The following SDK2 variants were observed in gnomAD, a reference collection of about 807,000 sequenced individuals.
SDK2 encodes sidekick cell adhesion molecule 2.
A neutral mutation model predicts 253.9 loss-of-function variants in SDK2; 105 were observed. The observed-to-expected ratio is 0.41, with a 90% CI of 0.35 to 0.49. The LOEUF (loss-of-function observed/expected upper bound fraction) is 0.49, where lower values mean the gene tolerates loss of function less well. Among genes scored for constraint, SDK2 ranks in the 20% least tolerant of loss-of-function variants. The pLI is 0.06. For synonymous variants in SDK2, 1,249 were observed against 1,234.9 expected (o/e 1.01, Z -0.24); for missense variants, 2,608 against 3,003.0 (o/e 0.87, Z 3.07).
At chr17:73,509,940 A>G (rs932807508) in intron 1 of SDK2, among the ~76,000 whole-genome samples, 3 of 148,604 alleles carry the variant, frequency 2.0e-5, no homozygotes, top group Non-Finnish European at 4.5e-5. Flanking sequence ...AGAAAGAAAA[A>G]GTAAAAGAGA....
At chr17:73,422,581 A>AT (rs1219112499) in intron 14 of SDK2, 147 bp from the exon 15 acceptor site, 1 of 885,754 alleles carries the variant, frequency 1.1e-6, no homozygotes, top group African/African-American at 1.7e-5. Context: ...CCGCCATGCC[A>AT]TTTTTCTAGG....
At chr17:73,462,169 A>G (rs189075572) in intron 3 of SDK2, among the ~76,000 whole-genome samples, 110 of 152,098 alleles carry the variant, frequency 7.2e-4, no homozygotes, top group Non-Finnish European at 1.3e-3. Context: ...GTTTACATAT[A>G]TGTGTACATG....
intron 1 of SDK2, among the ~76,000 whole-genome samples, chr17:73,529,961 T>C (rs1386786321): frequency 6.6e-6 from 1 of 152,238 alleles, no homozygotes; most frequent in African/African-American, 2.4e-5. Context: ...ATGTCCTTAA[T>C]GCAGGACCCA....
At position 73,478,159 on chromosome 17, in the gene SDK2, T is replaced by C. The variant is rs1017473268; in HGVS notation, c.225-5941A>G. 5.3e-5 allele frequency among the ~76,000 whole-genome samples: 8 copies of C among 152,256 alleles called. No homozygotes were observed. In the East Asian group the frequency reaches 1.4e-3, roughly 26 times the overall value. ...TCTTTTCAGAACTTCTTTATGCAAA[T>C]GCAAGCAAATACGCATTTAGAATCC... On this transcript the variant is annotated intron_variant, in intron 2 of 44. Coordinates refer to ENST00000392650, the MANE Select transcript of SDK2 (RefSeq NM_001144952.2).
intron 39 of SDK2, among the ~76,000 whole-genome samples, chr17:73,360,981 CAGG>C (rs1159934016): frequency 5.8e-5 from 8 of 138,010 alleles, no homozygotes; most frequent in African/African-American, 2.2e-4. Flanking sequence ...AGAAACAATA[CAGG>C]AGATTAAGGA....
At chr17:73,434,784 C>T (rs1028962230) in intron 9 of SDK2, among the ~76,000 whole-genome samples, 6 of 152,180 alleles carry the variant, frequency 3.9e-5, no homozygotes, top group African/African-American at 7.2e-5. Context: ...GTGTGTGCCA[C>T]CCTGCCTGGC....
At chr17:73,539,412 C>T (rs2044829695) in intron 1 of SDK2, among the ~76,000 whole-genome samples, 1 of 151,854 alleles carries the variant, frequency 6.6e-6, no homozygotes, top group African/African-American at 2.4e-5. Context: ...TGTACATCAG[C>T]CCTGCTCGGC....
At chr17:73,386,342 G>T in intron 31 of SDK2, 103 bp downstream of exon 31, 1 of 852,626 alleles carries the variant, frequency 1.2e-6, no homozygotes, top group Non-Finnish European at 1.9e-6. Context: ...TGGGTCCCAC[G>T]CCTCTCTCAT....
At position 73,465,724 on chromosome 17, in the gene SDK2, A is replaced by G. The variant is rs1366371917; in HGVS notation, c.331+6388T>C. On this transcript the variant is annotated intron_variant, in intron 3 of 44. Transcript: ENST00000392650. The surrounding 1 kb of genome is among the most constrained non-coding windows in gnomAD (Gnocchi z 4.2). ...AGTTGTTAGCACAGCTGCCTTATTA[A>G]TTTCTCATTAGAACCCAATTCACAG... 1.3e-5 allele frequency among the ~76,000 whole-genome samples: 2 copies of G among 152,084 alleles called. No individual in the cohort carries two copies. The highest frequency in any genetic ancestry group is 6.5e-5 in the Admixed American group (1 of 15,268).
rs1414840080 is a variant in SDK2, at chr17:73,639,447, C to A, written c.64+4578G>T. 6.6e-6 allele frequency among the ~76,000 whole-genome samples: 1 copy of A among 152,202 alleles called. No homozygotes were observed. The highest frequency in any genetic ancestry group is 6.5e-5 in the Admixed American group (1 of 15,288). On this transcript the variant is annotated intron_variant, in intron 1 of 44. Transcript: ENST00000392650. The surrounding 1 kb of genome is among the most constrained non-coding windows in gnomAD (Gnocchi z 4.3). ...GGGGTGGGACACCTAGGGGAGGGGG[C>A]ACCCGGGGTGTCTCGGCAACCAGCT...
In SDK2 at chr17:73,612,611, AAATAAT is replaced by A. The variant is rs902731823; in HGVS notation, c.64+31408_64+31413del. Among the ~76,000 whole-genome samples the A allele has an allele frequency of 1.3e-5, 2 of 152,172 alleles. No homozygotes were observed. The highest frequency in any genetic ancestry group is 2.4e-5 in the African/African-American group (1 of 41,524). Reference sequence around the variant, plus strand: ...GGCAAAATGAGAAGCCCAGAGAGCCAAATAATAATAATAATAGTAACAGTAGGCCAG... The same window carrying A: ...GGCAAAATGAGAAGCCCAGAGAGCCAAATAATAATAGTAACAGTAGGCCAG... On this transcript the variant is annotated intron_variant, in intron 1 of 44. Coordinates refer to ENST00000392650, the MANE Select transcript of SDK2 (RefSeq NM_001144952.2). This position sits in a 1 kb window ranked among gnomAD's most constrained non-coding sequence, Gnocchi z 4.4.
chr17:73,433,231 C>A (rs2063341405), intron 10 of SDK2, among the ~76,000 whole-genome samples: 1 of 151,800 alleles, frequency 6.6e-6, no homozygotes, highest in African/African-American at 2.4e-5. Context: ...GGTGGCAGGT[C>A]TTGGAAGATG....
chr17:73,468,630 G>A (rs1476283738), intron 3 of SDK2, among the ~76,000 whole-genome samples: 1 of 151,926 alleles, frequency 6.6e-6, no homozygotes, highest in African/African-American at 2.4e-5. Flanking sequence ...TCATGCCTCA[G>A]CCTCCCAATT....
chr17:73,504,224 G>C (rs1399915099), intron 2 of SDK2: 1 of 136,814 alleles, frequency 7.3e-6, no homozygotes, highest in Non-Finnish European at 1.6e-5. Flanking sequence ...GTGAGAGAGA[G>C]AGAGAGAGAG....
rs193263686 is a variant in SDK2, at chr17:73,466,690, G to A, written c.331+5422C>T. ...ATTTACACAATGGCACAGCAGGATG[G>A]ATCATTTTGGAGGCTCTGGGGAACG... On this transcript the variant is annotated intron_variant, in intron 3 of 44. Transcript: ENST00000392650. Among the ~76,000 whole-genome samples, 293 of 141,150 alleles carry A rather than the reference G, an allele frequency of 2.1e-3. 3 individuals are homozygous for A. Among genetic ancestry groups the A allele is most frequent in the African/African-American group, 7.4e-3 (277 of 37,238 alleles). The allele number at this position is 141,150 out of a possible 152,430, so 92.6% of individuals were successfully genotyped here. A position where few individuals can be genotyped will look rare whatever the true frequency, so the allele number is the denominator to read the frequency against.
chr17:73,526,215 T>C (rs963205651), intron 1 of SDK2, among the ~76,000 whole-genome samples: 5 of 151,986 alleles, frequency 3.3e-5, no homozygotes, highest in Admixed American at 2.0e-4. Flanking sequence ...CTGGGAACTT[T>C]AGCTATTTCA....
At chr17:73,619,438 C>T (rs906893869) in intron 1 of SDK2, among the ~76,000 whole-genome samples, 1 of 152,156 alleles carries the variant, frequency 6.6e-6, no homozygotes, top group African/African-American at 2.4e-5. Flanking sequence ...AGTCTATATG[C>T]ATCTATGGCC....
rs542593010 is a variant in SDK2, at chr17:73,338,530, G to A, written c.*57C>T. 1,461 of 1,023,290 alleles carry A rather than the reference G, an allele frequency of 1.4e-3. 3 individuals are homozygous for A. The highest frequency in any genetic ancestry group is 1.8e-3 in the Non-Finnish European group (1,283 of 697,240). 63.4% of individuals were successfully genotyped at this position (1,023,290 alleles called of 1,614,324 possible). A position where few individuals can be genotyped will look rare whatever the true frequency, so the allele number is the denominator to read the frequency against. Reference sequence around the variant, plus strand: ...TTTGTTTTCTGGCAGGCAGTGAGAGGAGGGGTGAAGGAGGAGTTTGGTGCC... The same window carrying A: ...TTTGTTTTCTGGCAGGCAGTGAGAGAAGGGGTGAAGGAGGAGTTTGGTGCC... On this transcript the variant is annotated 3_prime_UTR_variant, in exon 45 of 45. Transcript: ENST00000392650. This position sits in a 1 kb window ranked among gnomAD's most constrained non-coding sequence, Gnocchi z 5.0.
rs1336746134 is a variant in SDK2 at position 73,440,890 on chromosome 17, G to C, written c.647C>G (p.Thr216Ser). 1 of 1,551,576 alleles carries C rather than the reference G, an allele frequency of 6.4e-7. No homozygotes were observed. The highest frequency in any genetic ancestry group is 8.7e-7 in the Non-Finnish European group (1 of 1,146,976). ...GGTGTTTTTAGGTGGGATGATGATG[G>C]TGGGTGCGATGGGGTCTGCAGGCCC... ...VGGPADPIAP[T>S]IIIPPKNTSV... The change falls in exon 6 of 45, where the codon ACC becomes AGC. Residue 216 changes from threonine to serine, a missense_variant. This residue lies in a region of SDK2 where 1,505 missense variants were observed against 1,859.1 expected (regional missense o/e 0.81). Coordinates refer to ENST00000392650, the MANE Select transcript of SDK2 (RefSeq NM_001144952.2).
Sources: gnomAD v4.1 joint callset for allele counts (sites outside exome capture counted in the v4.1 genomes callset) on GRCh38, gnomAD v4.1.1 for gene constraint, gnomAD v4.1.1 regional missense constraint, Gnocchi (gnomAD v3.1) non-coding constraint, MANE v1.5 for transcripts, NCBI Gene and HGNC (gene_info 2026-07-23, HGNC 2026-07-21) for gene names.